Variants in CAST observed in about 807,000 individuals in gnomAD.
CAST encodes MIR583 host.
Under a neutral mutation model 119.6 loss-of-function variants are expected in CAST, and 76 were observed. That is an observed-to-expected ratio of 0.64 (90% CI 0.53 to 0.77). The LOEUF (loss-of-function observed/expected upper bound fraction) is 0.77. Among genes scored for constraint, CAST ranks in the 30% least tolerant of loss-of-function variants. The probability of loss-of-function intolerance (pLI) is 0.00; values close to 1 mark genes in which losing one functional copy is unlikely to be tolerated. For synonymous variants in CAST, 319 were observed against 331.6 expected (o/e 0.96, Z 0.41); for missense variants, 953 against 946.5 (o/e 1.01, Z -0.09).
chr5:96,166,296 ATCAT>A, the CAST span, among the ~76,000 whole-genome samples: 1 of 151,122 alleles, frequency 6.6e-6, no homozygotes, highest in Non-Finnish European at 1.5e-5. Context: ...CATTTTAAAT[ATCAT>A]TAATATAGTT....
At chr5:96,504,629 A>G in the CAST span, among the ~76,000 whole-genome samples, 5 of 151,902 alleles carry the variant, frequency 3.3e-5, no homozygotes, top group African/African-American at 1.2e-4. Flanking sequence ...TTATTGAGGT[A>G]TAATATAACC....
At chr5:96,041,222 G>A in the CAST span, among the ~76,000 whole-genome samples, 1 of 152,038 alleles carries the variant, frequency 6.6e-6, no homozygotes, top group African/African-American at 2.4e-5. Context: ...TATCAACAGT[G>A]ATAAATCATA....
chr5:96,591,307 T>C (rs1314722174), intron 1 of CAST, among the ~76,000 whole-genome samples: 1 of 152,226 alleles, frequency 6.6e-6, no homozygotes, highest in Non-Finnish European at 1.5e-5. Flanking sequence ...TGGAAGTCAG[T>C]GCTCTGAAGT....
At chr5:96,566,109 T>A (rs756310846) in intron 1 of CAST, among the ~76,000 whole-genome samples, 16 of 152,142 alleles carry the variant, frequency 1.1e-4, no homozygotes, top group Non-Finnish European at 2.4e-4. Flanking sequence ...TCTGTGACAT[T>A]CTCTTATTTT....
At chr5:95,980,948 A>G in the CAST span, among the ~76,000 whole-genome samples, 1 of 152,156 alleles carries the variant, frequency 6.6e-6, no homozygotes, top group Admixed American at 6.5e-5. Flanking sequence ...CCAGTCTGAG[A>G]CAGGAATAGC....
the CAST span, among the ~76,000 whole-genome samples, chr5:96,075,442 A>C: frequency 6.6e-6 from 1 of 152,134 alleles, no homozygotes; most frequent in African/African-American, 2.4e-5. Flanking sequence ...GAGGAAATAG[A>C]TGTCTAGAGT....
intron 20 of CAST, among the ~76,000 whole-genome samples, chr5:96,752,317 T>C (rs1441260222): frequency 6.6e-6 from 1 of 152,206 alleles, no homozygotes; most frequent in Non-Finnish European, 1.5e-5. Flanking sequence ...AGCAAGAGGT[T>C]GGCAAAGGGC....
the CAST span, among the ~76,000 whole-genome samples, chr5:95,979,440 G>C: frequency 6.6e-6 from 1 of 152,124 alleles, no homozygotes; most frequent in Admixed American, 6.5e-5. Flanking sequence ...GAGGATATAA[G>C]TAAAAGAAAG....
At chr5:96,213,573 C>G in the CAST span, 1 of 152,104 alleles carries the variant, frequency 6.6e-6, no homozygotes, top group Non-Finnish European at 1.5e-5. Flanking sequence ...ATCTTGAGGC[C>G]AGGAGTTTGA....
chr5:96,542,308 CAAA>C (rs759173589), intron 1 of CAST, among the ~76,000 whole-genome samples: 3 of 37,080 alleles, frequency 8.1e-5, no homozygotes, highest in African/African-American at 7.8e-5. Flanking sequence ...GACTTAGTCT[CAAA>C]AAAAAAAAAA....
the CAST span, among the ~76,000 whole-genome samples, chr5:96,312,028 T>C: frequency 6.6e-6 from 1 of 152,098 alleles, no homozygotes; most frequent in South Asian, 2.1e-4. Flanking sequence ...TGTGGCTTGA[T>C]GGTTTTCTGT....
intron 1 of CAST, among the ~76,000 whole-genome samples, chr5:96,548,534 C>A (rs1192235014): frequency 6.6e-6 from 1 of 152,070 alleles, no homozygotes; most frequent in East Asian, 1.9e-4. Context: ...CCGCCCCCCA[C>A]CAACCCTTGT....
the CAST span, among the ~76,000 whole-genome samples, chr5:96,489,675 A>G: frequency 6.6e-6 from 1 of 152,042 alleles, no homozygotes; most frequent in Non-Finnish European, 1.5e-5. Flanking sequence ...CCCCAAGACT[A>G]TCAAAAACCA....
At chr5:96,401,280 A>G in the CAST span, among the ~76,000 whole-genome samples, 6 of 152,126 alleles carry the variant, frequency 3.9e-5, no homozygotes, top group Non-Finnish European at 8.8e-5. Flanking sequence ...GGACTTTGAC[A>G]GGGGGTAGAG....
At chr5:96,181,599 A>G in the CAST span, among the ~76,000 whole-genome samples, 2 of 152,378 alleles carry the variant, frequency 1.3e-5, no homozygotes, top group East Asian at 1.9e-4. Flanking sequence ...TAAATGGAGC[A>G]TCACAGTAAC....
chr5:95,963,548 A>G, the CAST span, among the ~76,000 whole-genome samples: 1 of 152,226 alleles, frequency 6.6e-6, no homozygotes, highest in South Asian at 2.1e-4. Flanking sequence ...CATGTAGTAG[A>G]GATATTAAGG....
intron 1 of CAST, among the ~76,000 whole-genome samples, chr5:96,673,011 G>A (rs1035224753): frequency 3.3e-5 from 5 of 152,208 alleles, no homozygotes; most frequent in African/African-American, 4.8e-5. Context: ...GTGAGACTCT[G>A]TGGAGAGCAT....
the CAST span, among the ~76,000 whole-genome samples, chr5:96,225,414 T>G: frequency 1.3e-5 from 2 of 152,166 alleles, no homozygotes; most frequent in Admixed American, 6.5e-5. Context: ...ATATAACAGC[T>G]GGAATTATAA....
At chr5:96,616,277 G>A (rs1747454168) in intron 1 of CAST, among the ~76,000 whole-genome samples, 1 of 152,138 alleles carries the variant, frequency 6.6e-6, no homozygotes, top group South Asian at 2.1e-4. Context: ...TTCATCCATA[G>A]CTCTAGAAGA....
Sources: allele counts gnomAD v4.1 joint callset (sites outside exome capture counted in the v4.1 genomes callset), GRCh38; gene constraint gnomAD v4.1.1; transcripts MANE v1.5; gene names NCBI Gene and HGNC (gene_info 2026-07-23, HGNC 2026-07-21).